Variants in SLC4A5 observed in about 807,000 individuals in gnomAD.
SLC4A5 encodes the protein solute carrier family 4 member 5, also known as electrogenic sodium bicarbonate cotransporter 4.
In SLC4A5, 96 loss-of-function variants were observed where a neutral mutation model predicts 120.4. That is an observed-to-expected ratio of 0.80 (90% CI 0.68 to 0.94). The LOEUF is 0.94. Among genes scored for constraint, SLC4A5 ranks in the 40% least tolerant of loss-of-function variants. SLC4A5 has a pLI of 0.00. For missense variants in SLC4A5, 1,259 were observed against 1,459.5 expected, an observed-to-expected ratio of 0.86 and a Z score of 2.24; for synonymous variants, 550 against 571.1, an observed-to-expected ratio of 0.96 and a Z score of 0.53.
chr2:74,220,725 C>G (rs1268539063), intron 30 of SLC4A5, among the ~76,000 whole-genome samples: 2 of 150,546 alleles, frequency 1.3e-5, no homozygotes, highest in South Asian at 4.2e-4. Context: ...ACCATGTTAG[C>G]CAGGATGGTC....
At chr2:74,233,231 C>A (rs1035222802) in intron 23 of SLC4A5, among the ~76,000 whole-genome samples, 171 bp downstream of exon 23, 2 of 152,212 alleles carry the variant, frequency 1.3e-5, no homozygotes, top group Admixed American at 1.3e-4. Flanking sequence ...GGTGGCCTTA[C>A]CCACATCTGG....
In SLC4A5 at chr2:74,221,847, A is replaced by C. The variant is rs144213563; in HGVS notation, c.3332-346T>G. Among the ~76,000 whole-genome samples the C allele has an allele frequency of 3.1e-4, 47 of 152,256 alleles. No individual in the cohort carries two copies. The East Asian group carries it at 8.1e-3, about 26-fold the overall frequency. On this transcript the variant is annotated intron_variant, in intron 29 of 30. Coordinates refer to ENST00000394019, the Ensembl canonical transcript of SLC4A5. The stretch of plus-strand genomic sequence containing the variant: ...CCCTAATCTGTCTTTGAGGGTGGCA[A>C]GCCCTGTATTAGAAGCACGGGGCTC...
At chr2:74,248,417 G>C (rs1369486447) in exon 18 of SLC4A5, 2 of 1,614,172 alleles carry the variant, frequency 1.2e-6, no homozygotes, top group Non-Finnish European at 1.7e-6. Context: ...AGAATGATGA[G>C]AGGCTGTCCC....
intron 19 of SLC4A5, 40 bp downstream of exon 19, chr2:74,246,996 G>A: frequency 6.2e-7 from 1 of 1,603,776 alleles, no homozygotes; most frequent in Non-Finnish European, 8.5e-7. Flanking sequence ...GGCCGGTGGG[G>A]TAGGTGAGGG....
At chr2:74,266,167 T>C (rs2104058913) in intron 8 of SLC4A5, among the ~76,000 whole-genome samples, 1 of 152,310 alleles carries the variant, frequency 6.6e-6, no homozygotes, top group South Asian at 2.1e-4. Context: ...ATATAGAAAC[T>C]TGCGGAGAAG....
chr2:74,239,352 G>C (rs79071735), exon 21 of SLC4A5: 16 of 1,614,156 alleles, frequency 9.9e-6, no homozygotes, highest in African/African-American at 1.3e-5. Context: ...GGAAAATAGC[G>C]GCTGAATTTG....
At chr2:74,239,951 C>T (rs1056998025) in intron 20 of SLC4A5, among the ~76,000 whole-genome samples, 5 of 150,684 alleles carry the variant, frequency 3.3e-5, no homozygotes, top group African/African-American at 7.3e-5. Context: ...TCAGCCATTC[C>T]CCACCTTGGT....
In SLC4A5 at chr2:74,290,154, G is replaced by A. The variant is rs180854949; in HGVS notation, c.272-4252C>T. On this transcript the variant is annotated intron_variant, in intron 7 of 30. Transcript: ENST00000394019. Reference sequence around the variant, plus strand: ...TCTGGAATCCCCTTTCCCCTTCAAGGCCAGACAAGAAGGCAAATAAATGGA... The same window carrying A: ...TCTGGAATCCCCTTTCCCCTTCAAGACCAGACAAGAAGGCAAATAAATGGA... The A allele has an allele frequency of 1.8e-4, 173 of 985,610 alleles. No homozygotes were observed. In the African/African-American group the frequency reaches 2.8e-3, roughly 16 times the overall value. 61.1% of individuals were successfully genotyped at this position (985,610 alleles called of 1,614,324 possible). A position where few individuals can be genotyped will look rare whatever the true frequency, so the allele number is the denominator to read the frequency against.
intron 8 of SLC4A5, among the ~76,000 whole-genome samples, chr2:74,275,721 C>T (rs961452155): frequency 3.9e-5 from 6 of 152,238 alleles, no homozygotes; most frequent in African/African-American, 1.4e-4. Context: ...CTAAAGCTTA[C>T]TGAGGGCTTT....
intron 5 of SLC4A5, among the ~76,000 whole-genome samples, chr2:74,319,684 T>C (rs1287411888): frequency 6.6e-6 from 1 of 152,118 alleles, no homozygotes; most frequent in South Asian, 2.1e-4. Flanking sequence ...TCTCTCTCTC[T>C]CCCCATTCAC....
At chr2:74,314,800 C>T in intron 6 of SLC4A5, 145 bp downstream of exon 6, 1 of 710,424 alleles carries the variant, frequency 1.4e-6, no homozygotes, top group Non-Finnish European at 2.5e-6. Context: ...AAGGCTGGTC[C>T]CACCAGCCTC....
chr2:74,316,321 TAAAAAAAAAA>T (rs60481743), intron 5 of SLC4A5, among the ~76,000 whole-genome samples: 17 of 51,188 alleles, frequency 3.3e-4, no homozygotes, highest in Admixed American at 7.3e-4. Flanking sequence ...AAAAGAGTTG[TAAAAAAAAAA>T]AAAAAAAAAA....
At chr2:74,302,767 A>G (rs1672512120) in intron 7 of SLC4A5, among the ~76,000 whole-genome samples, 1 of 152,236 alleles carries the variant, frequency 6.6e-6, no homozygotes, top group Non-Finnish European at 1.5e-5. Context: ...CACCTCTTCT[A>G]AACTCTTTGA....
At chr2:74,220,914 T>C (rs1431771154) in intron 30 of SLC4A5, among the ~76,000 whole-genome samples, 87 of 131,958 alleles carry the variant, frequency 6.6e-4, no homozygotes, top group Middle Eastern at 4.5e-3. Context: ...GATCTCGGCT[T>C]ACTGCAAGCT....
intron 10 of SLC4A5, 63 bp downstream of exon 10, chr2:74,264,084 G>A (rs189379856): frequency 1.5e-5 from 23 of 1,555,682 alleles, no homozygotes; most frequent in South Asian, 7.3e-5. Context: ...GGGCTCACCC[G>A]GGTACCAGGG....
intron 2 of SLC4A5, among the ~76,000 whole-genome samples, chr2:74,342,166 G>C (rs1235644577): frequency 1.3e-5 from 2 of 152,158 alleles, no homozygotes; most frequent in Admixed American, 1.3e-4. Context: ...TTCTGGTTTG[G>C]GAAATGATAA....
At chr2:74,251,764 C>G (rs567586052) in intron 16 of SLC4A5, among the ~76,000 whole-genome samples, 1 of 152,194 alleles carries the variant, frequency 6.6e-6, no homozygotes, top group South Asian at 2.1e-4. Context: ...TGGCCACCAC[C>G]AGAAGCCAGG....
At chr2:74,283,744 G>A (rs1355470189) in intron 8 of SLC4A5, among the ~76,000 whole-genome samples, 1 of 152,116 alleles carries the variant, frequency 6.6e-6, no homozygotes, top group East Asian at 1.9e-4. Context: ...CCCCCAAGGG[G>A]GCAAAAACTG....
At chr2:74,325,486 A>G (rs1384400646) in intron 5 of SLC4A5, among the ~76,000 whole-genome samples, 2 of 152,176 alleles carry the variant, frequency 1.3e-5, no homozygotes, top group East Asian at 3.9e-4. Context: ...ATGATCTTCA[A>G]AGGAGTCCAT....
Sources: gnomAD v4.1 joint callset for allele counts (sites outside exome capture counted in the v4.1 genomes callset) on GRCh38, gnomAD v4.1.1 for gene constraint, MANE v1.5 for transcripts, NCBI Gene and HGNC (gene_info 2026-07-23, HGNC 2026-07-21) for gene names.